Variants in WDR70 observed in about 807,000 individuals in gnomAD.
WDR70 encodes the protein WD repeat-containing protein 70.
Under a neutral mutation model 88.6 loss-of-function variants are expected in WDR70, and 53 were observed. The observed-to-expected ratio is 0.60, with a 90% CI of 0.48 to 0.75. The LOEUF (loss-of-function observed/expected upper bound fraction) is 0.75. WDR70 is among the 30% of genes least tolerant of loss of function. The pLI is 0.00. For synonymous variants in WDR70, 280 were observed against 270.0 expected, an observed-to-expected ratio of 1.04 and a Z score of -0.36; for missense variants, 610 against 823.2, an observed-to-expected ratio of 0.74 and a Z score of 3.17.
Position 37,722,887 on chromosome 5 carries a change from G to A in WDR70, c.1550G>A (p.Arg517Gln), listed in dbSNP as rs77730443. The change falls in exon 15 of 18, where the codon CGG becomes CAG. Residue 517 changes from arginine to glutamine, a missense_variant. Coordinates refer to ENST00000265107, the MANE Select transcript of WDR70 (RefSeq NM_018034.4). ...GAKLCVVKTQ[R>Q]KAKQAETLTQ... ...AAATTATGTGTGGTTAAAACCCAGCGGAAGGCAAAACAAGCTGAGACTCTA... is the reference window on the plus strand; with the variant it reads ...AAATTATGTGTGGTTAAAACCCAGCAGAAGGCAAAACAAGCTGAGACTCTA... 1.8e-5 allele frequency: 29 copies of A among 1,613,480 alleles called. No homozygotes were observed. Among genetic ancestry groups the A allele is most frequent in the South Asian group, 4.4e-5 (4 of 91,084 alleles).
intron 8 of WDR70, among the ~76,000 whole-genome samples, chr5:37,502,832 T>C (rs1358811200): frequency 6.6e-6 from 1 of 152,060 alleles, no homozygotes; most frequent in Admixed American, 6.6e-5. Flanking sequence ...CGGGGACTTG[T>C]TACACACTTT....
At chr5:37,402,424 A>C (rs1388210272) in intron 5 of WDR70, among the ~76,000 whole-genome samples, 1 of 151,960 alleles carries the variant, frequency 6.6e-6, no homozygotes, top group Non-Finnish European at 1.5e-5. Flanking sequence ...AGGGGAGTGC[A>C]GGTATCAAAA....
chr5:37,612,236 A>G (rs1744211162), intron 10 of WDR70, among the ~76,000 whole-genome samples: 1 of 152,140 alleles, frequency 6.6e-6, no homozygotes, highest in Non-Finnish European at 1.5e-5. Flanking sequence ...AATGCTAGAA[A>G]TTCAAAGCTT....
chr5:37,716,779 C>G (rs906962799), intron 13 of WDR70, among the ~76,000 whole-genome samples: 14 of 152,120 alleles, frequency 9.2e-5, no homozygotes, highest in African/African-American at 3.4e-4. Flanking sequence ...TCCTCCTCCC[C>G]TTATTTGCTT....
chr5:37,707,998 A>G (rs1441362649), intron 13 of WDR70, among the ~76,000 whole-genome samples: 1 of 109,380 alleles, frequency 9.1e-6, no homozygotes, highest in Non-Finnish European at 1.8e-5. Context: ...TATATAGTTG[A>G]TTGAAAATCT....
intron 9 of WDR70, among the ~76,000 whole-genome samples, chr5:37,599,405 A>G (rs901538390): frequency 6.6e-6 from 1 of 152,238 alleles, no homozygotes; most frequent in African/African-American, 2.4e-5. Flanking sequence ...ATATTCATTC[A>G]ATCAAAGGGT....
At chr5:37,467,112 AGC>A in intron 7 of WDR70, among the ~76,000 whole-genome samples, 1 of 151,070 alleles carries the variant, frequency 6.6e-6, no homozygotes, top group Non-Finnish European at 1.5e-5. Context: ...CTGTAGTCTG[AGC>A]TACTTGGGAG....
chr5:37,751,909 G>A (rs919959296), intron 17 of WDR70, among the ~76,000 whole-genome samples: 2 of 152,194 alleles, frequency 1.3e-5, no homozygotes, highest in Non-Finnish European at 2.9e-5. Context: ...ATCCTAAAAT[G>A]CTTGGCATTT....
intron 13 of WDR70, among the ~76,000 whole-genome samples, chr5:37,706,830 T>C (rs1747342274): frequency 6.6e-6 from 1 of 152,174 alleles, no homozygotes; most frequent in Non-Finnish European, 1.5e-5. Flanking sequence ...GCCTCTTTTC[T>C]AAGATGAATT....
At chr5:37,509,953 T>A (rs1410697020) in intron 8 of WDR70, among the ~76,000 whole-genome samples, 1 of 151,964 alleles carries the variant, frequency 6.6e-6, no homozygotes. Context: ...TCCCAACTAC[T>A]TGGGAGGGTG....
intron 9 of WDR70, among the ~76,000 whole-genome samples, chr5:37,556,986 G>A (rs575453428): frequency 1.6e-4 from 25 of 152,118 alleles, no homozygotes; most frequent in Non-Finnish European, 2.8e-4. Context: ...TAATATGGAG[G>A]GGTTTCACTG....
At chr5:37,470,111 C>CA (rs1739279062) in intron 7 of WDR70, among the ~76,000 whole-genome samples, 1 of 108,554 alleles carries the variant, frequency 9.2e-6, no homozygotes, top group African/African-American at 3.2e-5. Context: ...CCCATGTAAG[C>CA]AAAAAACAAA....
chr5:37,597,029 C>G (rs1302473942), intron 9 of WDR70, among the ~76,000 whole-genome samples: 1 of 152,114 alleles, frequency 6.6e-6, no homozygotes, highest in Non-Finnish European at 1.5e-5. Context: ...TGTCAGTACT[C>G]TATTACTTTT....
At chr5:37,618,256 G>C (rs1228923476) in intron 10 of WDR70, among the ~76,000 whole-genome samples, 3 of 152,120 alleles carry the variant, frequency 2.0e-5, no homozygotes. Flanking sequence ...TCATTATATT[G>C]AATAAGCAGA....
chr5:37,543,359 C>A (rs747002781), intron 9 of WDR70, among the ~76,000 whole-genome samples: 1 of 152,070 alleles, frequency 6.6e-6, no homozygotes, highest in Non-Finnish European at 1.5e-5. Flanking sequence ...TATGTAGAAA[C>A]CTGTTTATGA....
chr5:37,388,009 CAATAA>C (rs1438993493), intron 3 of WDR70, among the ~76,000 whole-genome samples: 2 of 151,802 alleles, frequency 1.3e-5, no homozygotes, highest in Admixed American at 6.6e-5. Flanking sequence ...GGTAAAACCC[CAATAA>C]AATATGTGCT....
rs370991112 is a variant in WDR70 at position 37,649,911 on chromosome 5, G to A, written c.1092+44673G>A. On this transcript the variant is annotated intron_variant, in intron 10 of 17. Coordinates refer to ENST00000265107, the MANE Select transcript of WDR70 (RefSeq NM_018034.4). Reference sequence around the variant, plus strand: ...CGCCACCACGCCCGGCTAATTTTTTGTATTTTTAGTAGAGGCGGGGTTTCA... The same window carrying A: ...CGCCACCACGCCCGGCTAATTTTTTATATTTTTAGTAGAGGCGGGGTTTCA... Among the ~76,000 whole-genome samples the A allele has an allele frequency of 6.0e-3, 854 of 143,350 alleles. 4 individuals are homozygous for A. The highest frequency in any genetic ancestry group is 0.013 in the South Asian group (56 of 4,412). 94.0% of individuals were successfully genotyped at this position (143,350 alleles called of 152,430 possible). A position where few individuals can be genotyped will look rare whatever the true frequency, so the allele number is the denominator to read the frequency against.
In WDR70 at chr5:37,501,414, A is replaced by T. The variant is rs1356993816; in HGVS notation, c.841-15100A>T. 2.0e-5 allele frequency among the ~76,000 whole-genome samples: 3 copies of T among 152,144 alleles called. 1 individual carries two copies. In the South Asian group the frequency reaches 6.2e-4, roughly 31 times the overall value. ...TTACCTCTTTAATACAGGGATGTCC[A>T]GTCTTTTGGCTTCCTTGGGCCACAT... On this transcript the variant is annotated intron_variant, in intron 8 of 17. Coordinates refer to ENST00000265107, the MANE Select transcript of WDR70 (RefSeq NM_018034.4).
At position 37,426,370 on chromosome 5, in the gene WDR70, C is replaced by T. The variant is rs555107990; in HGVS notation, c.493-11552C>T. ...AGTTTGTTTTTTTGCCAAATCAAAACATCTTTACTGTTTTAGTTATCTACT... is the reference window on the plus strand; with the variant it reads ...AGTTTGTTTTTTTGCCAAATCAAAATATCTTTACTGTTTTAGTTATCTACT... On this transcript the variant is annotated intron_variant, in intron 5 of 17. Coordinates refer to ENST00000265107, the MANE Select transcript of WDR70 (RefSeq NM_018034.4). Among the ~76,000 whole-genome samples, 19 of 152,260 alleles carry T rather than the reference C, an allele frequency of 1.2e-4. No homozygotes were observed. In the South Asian group the frequency reaches 3.5e-3, roughly 28 times the overall value.
Sources: gnomAD v4.1 joint callset for allele counts (sites outside exome capture counted in the v4.1 genomes callset) on GRCh38, gnomAD v4.1.1 for gene constraint, MANE v1.5 for transcripts, NCBI Gene and HGNC (gene_info 2026-07-23, HGNC 2026-07-21) for gene names.